ASAP1: variants seen among roughly 807,000 people sequenced by gnomAD.
ASAP1 encodes the protein ArfGAP with SH3 domain, ankyrin repeat and PH domain 1, also known as arf-GAP with SH3 domain, ANK repeat and PH domain-containing protein 1.
ASAP1 carries 43 observed loss-of-function variants against 145.2 expected under a neutral mutation model. The observed-to-expected ratio is 0.30, with a 90% CI of 0.23 to 0.38. The LOEUF (loss-of-function observed/expected upper bound fraction) is 0.38, where lower values mean the gene tolerates loss of function less well. Ranked by LOEUF, ASAP1 falls within the 10% of genes least tolerant of loss-of-function variation. The probability of loss-of-function intolerance (pLI) is 1.00; values close to 1 mark genes in which losing one functional copy is unlikely to be tolerated. For missense variants in ASAP1, 1,018 were observed against 1,355.3 expected (o/e 0.75, Z 3.91); for synonymous variants, 546 against 515.5 (o/e 1.06, Z -0.80).
At chr8:130,055,443 C>G (rs2097401801) in intron 29 of ASAP1, among the ~76,000 whole-genome samples, 1 of 151,930 alleles carries the variant, frequency 6.6e-6, no homozygotes, top group Non-Finnish European at 1.5e-5. Context: ...GTGTCAGCTG[C>G]CTGGCAAGAC....
intron 3 of ASAP1, among the ~76,000 whole-genome samples, chr8:130,242,246 C>G (rs1172005884): frequency 3.4e-5 from 4 of 116,288 alleles, no homozygotes; most frequent in Non-Finnish European, 6.6e-5. Flanking sequence ...TACTCCTATA[C>G]CAAAGTGATT....
At chr8:130,142,224 C>T (rs573095719) in intron 13 of ASAP1, among the ~76,000 whole-genome samples, 2 of 152,314 alleles carry the variant, frequency 1.3e-5, no homozygotes, top group African/African-American at 4.8e-5. Flanking sequence ...CTTCTGCGGT[C>T]ACTCTGCAGT....
intron 1 of ASAP1, among the ~76,000 whole-genome samples, chr8:130,430,325 G>A (rs748853618): frequency 1.3e-5 from 2 of 152,158 alleles, no homozygotes; most frequent in East Asian, 3.8e-4. Flanking sequence ...GTGTTTGTAC[G>A]TACGTATGTG....
chr8:130,076,227 G>T (rs1037425145), intron 27 of ASAP1, 121 bp downstream of exon 27: 2 of 612,770 alleles, frequency 3.3e-6, no homozygotes, highest in Non-Finnish European at 5.7e-6. Flanking sequence ...TCCACTACAT[G>T]CCAGGTGCTG....
At chr8:130,279,933 C>A (rs911690778) in intron 3 of ASAP1, among the ~76,000 whole-genome samples, 1 of 152,180 alleles carries the variant, frequency 6.6e-6, no homozygotes, top group Non-Finnish European at 1.5e-5. Flanking sequence ...TGGGAACTAA[C>A]TTTTATAAAC....
chr8:130,220,776 C>G (rs554358103), intron 4 of ASAP1, among the ~76,000 whole-genome samples: 3 of 152,242 alleles, frequency 2.0e-5, no homozygotes, highest in African/African-American at 7.2e-5. Context: ...AGGAGGGCCT[C>G]AGGAAACTTA....
rs779962480 is a variant in ASAP1, at chr8:130,112,143, T to A, written c.2352A>T (p.Thr784=). 1.9e-6 allele frequency: 3 copies of A among 1,613,972 alleles called. No homozygotes were observed. The highest frequency in any genetic ancestry group is 2.5e-6 in the Non-Finnish European group (3 of 1,180,026). ...IFVSTSTDSP[T]SPTTEAPPLP... ...GAGGGGGAGCCTCCGTGGTTGGTGA[T>A]GTGGGCGAGTCTGTGCTTGTGGAAA... The change falls in exon 24 of 30, where the codon ACA becomes ACT. Residue 784 remains threonine (T), a synonymous_variant. Transcript: ENST00000518721.
intron 1 of ASAP1, among the ~76,000 whole-genome samples, chr8:130,435,226 C>T (rs749323016): frequency 6.6e-6 from 1 of 152,222 alleles, no homozygotes; most frequent in Admixed American, 6.5e-5. Context: ...CATAACTAGT[C>T]AGTATCCATT....
At chr8:130,108,597 G>A (rs1218634317) in intron 24 of ASAP1, among the ~76,000 whole-genome samples, 1 of 151,966 alleles carries the variant, frequency 6.6e-6, no homozygotes, top group Non-Finnish European at 1.5e-5. Flanking sequence ...TCAGGAGTTC[G>A]TGACCAGCCT....
intron 1 of ASAP1, among the ~76,000 whole-genome samples, chr8:130,440,184 T>A (rs1830443643): frequency 6.6e-6 from 1 of 152,146 alleles, no homozygotes. Context: ...TCCTCCTAAG[T>A]GGTCTTCCTG....
chr8:130,204,764 G>C (rs1816095712), intron 5 of ASAP1, among the ~76,000 whole-genome samples: 1 of 152,182 alleles, frequency 6.6e-6, no homozygotes, highest in South Asian at 2.1e-4. Flanking sequence ...CCCTTCAGTA[G>C]ACATGTCACA....
intron 23 of ASAP1, among the ~76,000 whole-genome samples, chr8:130,112,944 G>A (rs1564973020): frequency 1.3e-5 from 2 of 152,128 alleles, no homozygotes; most frequent in Admixed American, 1.3e-4. Flanking sequence ...AGTGTCACCT[G>A]GAGTCCCTGG....
At chr8:130,148,080 G>A (rs191146814) in intron 13 of ASAP1, among the ~76,000 whole-genome samples, 31 of 152,116 alleles carry the variant, frequency 2.0e-4, no homozygotes, top group African/African-American at 7.0e-4. Context: ...CTCCCTTCCC[G>A]GAATCCCTTA....
chr8:130,072,816 T>TGCGCGC, intron 27 of ASAP1, among the ~76,000 whole-genome samples: 1 of 28,996 alleles, frequency 3.4e-5, no homozygotes, highest in South Asian at 2.1e-3. Context: ...TGTGTGTGTG[T>TGCGCGC]GTGTGTGTGC....
At chr8:130,402,080 G>T in intron 1 of ASAP1, 110 bp from the exon 2 acceptor site, 1 of 671,310 alleles carries the variant, frequency 1.5e-6, no homozygotes, top group Non-Finnish European at 2.5e-6. Context: ...ACCTTTGTCA[G>T]GAATGTTCTT....
chr8:130,408,736 A>C (rs1829140513), intron 1 of ASAP1, among the ~76,000 whole-genome samples: 1 of 152,190 alleles, frequency 6.6e-6, no homozygotes, highest in Non-Finnish European at 1.5e-5. Flanking sequence ...GGAACTTTGC[A>C]AGGAACTGTG....
Position 130,127,978 on chromosome 8 carries a change from C to A in ASAP1, c.1330G>T (p.Asp444Tyr). 1 of 1,614,096 alleles carries A rather than the reference C, an allele frequency of 6.2e-7. No homozygotes were observed. The highest frequency in any genetic ancestry group is 8.5e-7 in the Non-Finnish European group (1 of 1,180,020). The part of the protein sequence containing the change: ...LEDLTKAIIE[D>Y]VQRLPGNDIC... ...TCATTCCCTGGGAGCCGCTGGACAT[C>A]CTCAATAATGGCTTTTGTCAGGTCT... Residue 444 changes from aspartate (D) to tyrosine (Y), a missense_variant, in exon 16 of 30, where the codon GAT becomes TAT. Coordinates refer to ENST00000518721, the MANE Select transcript of ASAP1 (RefSeq NM_018482.4).
At chr8:130,055,215 C>A (rs1044087159) in intron 29 of ASAP1, among the ~76,000 whole-genome samples, 2 of 151,126 alleles carry the variant, frequency 1.3e-5, no homozygotes, top group African/African-American at 4.9e-5. Flanking sequence ...TGACCTCACA[C>A]AAACCTTGCT....
At chr8:130,296,889 CTTAT>C (rs1222173788) in intron 3 of ASAP1, among the ~76,000 whole-genome samples, 1 of 152,060 alleles carries the variant, frequency 6.6e-6, no homozygotes, top group Non-Finnish European at 1.5e-5. Flanking sequence ...GCCAGGGGTT[CTTAT>C]TTACTTTTTC....
Sources: allele counts gnomAD v4.1 joint callset (sites outside exome capture counted in the v4.1 genomes callset), GRCh38; gene constraint gnomAD v4.1.1; transcripts MANE v1.5; gene names NCBI Gene and HGNC (gene_info 2026-07-23, HGNC 2026-07-21).